The following FADS1 variants were observed in gnomAD, a reference collection of about 807,000 sequenced individuals.
The protein encoded by FADS1 is acyl-CoA (8-3)-desaturase.
FADS1 carries 17 observed loss-of-function variants against 61.6 expected under a neutral mutation model. That is an observed-to-expected ratio of 0.28 (90% CI 0.19 to 0.41). The LOEUF is 0.41. FADS1 is among the 10% of genes least tolerant of loss of function. The pLI is 1.00. For missense variants in FADS1, 387 were observed against 650.9 expected, an observed-to-expected ratio of 0.59 and a Z score of 4.41; for synonymous variants, 238 against 258.7, an observed-to-expected ratio of 0.92 and a Z score of 0.77.
At chr11:61,804,469 A>G in intron 7 of FADS1, 2 of 542,880 alleles carry the variant, frequency 3.7e-6, no homozygotes, top group East Asian at 3.0e-5. Flanking sequence ...ACCTCTGGAG[A>G]CACTGACCGC....
At chr11:61,804,634 C>T (rs373761883) in intron 7 of FADS1, 51 bp downstream of exon 7, 4 of 1,526,200 alleles carry the variant, frequency 2.6e-6, no homozygotes, top group African/African-American at 2.7e-5. Context: ...CTATCCCCCA[C>T]TCTGGGTGCT....
Position 61,802,592 on chromosome 11 carries a change from C to CT in FADS1, c.1455-131dup, listed in dbSNP as rs2066863881. ...TCCCCTCTACTTTAGAGAAAGCTAG[C>CT]TTGGGCCATGGTACTGAGGGGAACC... On this transcript the variant is annotated intron_variant, in intron 11 of 11. Coordinates refer to ENST00000350997, the MANE Select transcript of FADS1 (RefSeq NM_013402.7). The surrounding 1 kb of genome is among the most constrained non-coding windows in gnomAD (Gnocchi z 4.2). 12 of 1,229,280 alleles carry CT rather than the reference C, an allele frequency of 9.8e-6. No homozygotes were observed. The highest frequency in any genetic ancestry group is 1.4e-5 in the Non-Finnish European group (12 of 862,440). The allele number at this position is 1,229,280 out of a possible 1,614,324, so 76.1% of individuals were successfully genotyped here.
rs1289935280 is a variant in FADS1 at position 61,801,527 on chromosome 11, G to A, written c.*884C>T. 6.6e-6 allele frequency: 1 copy of A among 152,360 alleles called. No homozygotes were observed. The highest frequency in any genetic ancestry group is 1.5e-5 in the Non-Finnish European group (1 of 68,038). The allele number at this position is 152,360 out of a possible 1,614,324, so 9.4% of individuals were successfully genotyped here. A position where few individuals can be genotyped will look rare whatever the true frequency, so the allele number is the denominator to read the frequency against. ...GTTTTGGTAAGAGCTAGCACCTCTT[G>A]TTCTCTTTAGACCCTGGAGGGAATA... is the stretch of plus-strand genomic sequence containing the variant. On this transcript the variant is annotated 3_prime_UTR_variant, in exon 12 of 12. Transcript: ENST00000350997.
chr11:61,803,234 T>C lies in FADS1; in HGVS notation c.1249-123A>G. The C allele has an allele frequency of 1.6e-6, 2 of 1,248,084 alleles. No individual in the cohort carries two copies. The highest frequency in any genetic ancestry group is 1.7e-5 in the Admixed American group (1 of 57,476). 77.3% of individuals were successfully genotyped at this position (1,248,084 alleles called of 1,614,324 possible). On this transcript the variant is annotated intron_variant, in intron 9 of 11. Transcript: ENST00000350997. The surrounding 1 kb of genome is among the most constrained non-coding windows in gnomAD (Gnocchi z 4.3). ...TGTCTTGGTCACTCCCTTCACATGG[T>C]TGCAGAACAAGAGCCTCAGGCTAAT... is the stretch of plus-strand genomic sequence containing the variant.
Position 61,803,936 on chromosome 11 carries a change from C to A in FADS1, c.1054-169G>T. Reference sequence around the variant, plus strand: ...TATCTAGTGCCACTGCTCCTTTCTTCCATTCCCATTGGCACCCCCCAGCCC... The same window carrying A: ...TATCTAGTGCCACTGCTCCTTTCTTACATTCCCATTGGCACCCCCCAGCCC... On this transcript the variant is annotated intron_variant, in intron 7 of 11. Transcript: ENST00000350997. This position sits in a 1 kb window ranked among gnomAD's most constrained non-coding sequence, Gnocchi z 4.3. The A allele has an allele frequency of 1.6e-6, 1 of 617,712 alleles. No homozygotes were observed. Among genetic ancestry groups the A allele is most frequent in the Non-Finnish European group, 2.9e-6 (1 of 345,882 alleles). 38.3% of individuals were successfully genotyped at this position (617,712 alleles called of 1,614,324 possible).
At chr11:61,813,944 G>A (rs1591155033) in intron 1 of FADS1, among the ~76,000 whole-genome samples, 2 of 148,220 alleles carry the variant, frequency 1.3e-5, no homozygotes, top group African/African-American at 2.5e-5. Context: ...ACTCCAGCCT[G>A]GGCGACAGGG....
At position 61,802,678 on chromosome 11, in the gene FADS1, G is replaced by A; in HGVS notation, c.1454+123C>T. 1 of 1,434,940 alleles carries A rather than the reference G, an allele frequency of 7.0e-7. No individual in the cohort carries two copies. Among genetic ancestry groups the A allele is most frequent in the Non-Finnish European group, 9.7e-7 (1 of 1,036,086 alleles). The allele number at this position is 1,434,940 out of a possible 1,614,324, so 88.9% of individuals were successfully genotyped here. ...CAATAAAGAATCCTGCCTTTGCCAT[G>A]GTGAACTCCATCCCACACGACTGGG... On this transcript the variant is annotated intron_variant, in intron 11 of 11. Coordinates refer to ENST00000350997, the MANE Select transcript of FADS1 (RefSeq NM_013402.7). This position sits in a 1 kb window ranked among gnomAD's most constrained non-coding sequence, Gnocchi z 4.2.
chr11:61,811,388 C>T (rs983803563), intron 3 of FADS1, among the ~76,000 whole-genome samples: 1 of 151,990 alleles, frequency 6.6e-6, no homozygotes, highest in African/African-American at 2.4e-5. Context: ...CTGCAACCTC[C>T]GCCTCCTGGG....
intron 7 of FADS1, 122 bp downstream of exon 7, chr11:61,804,563 G>C (rs1352588186): frequency 1.3e-6 from 1 of 743,054 alleles, no homozygotes; most frequent in Non-Finnish European, 2.3e-6. Context: ...TCTGTGTCTG[G>C]TTCTATTATT....
At chr11:61,808,319 G>C (rs1248544222) in intron 5 of FADS1, among the ~76,000 whole-genome samples, 1 of 149,536 alleles carries the variant, frequency 6.7e-6, no homozygotes, top group East Asian at 2.0e-4. Context: ...CTGGGTGACA[G>C]AGCGAGACTC....
In FADS1 at chr11:61,803,233, G is replaced by T; in HGVS notation, c.1249-122C>A. The T allele has an allele frequency of 8.0e-7, 1 of 1,246,960 alleles. No individual in the cohort carries two copies. Among genetic ancestry groups the T allele is most frequent in the Non-Finnish European group, 1.2e-6 (1 of 850,416 alleles). The allele number at this position is 1,246,960 out of a possible 1,614,324, so 77.2% of individuals were successfully genotyped here. A position where few individuals can be genotyped will look rare whatever the true frequency, so the allele number is the denominator to read the frequency against. ...CTGTCTTGGTCACTCCCTTCACATG[G>T]TTGCAGAACAAGAGCCTCAGGCTAA... On this transcript the variant is annotated intron_variant, in intron 9 of 11. Transcript: ENST00000350997. This position sits in a 1 kb window ranked among gnomAD's most constrained non-coding sequence, Gnocchi z 4.3.
intron 5 of FADS1, 101 bp downstream of exon 5, chr11:61,810,650 G>A: frequency 6.8e-7 from 1 of 1,465,372 alleles, no homozygotes; most frequent in Non-Finnish European, 9.4e-7. Flanking sequence ...CCCAGCCCCA[G>A]TGTCTTGCCC....
chr11:61,803,519 C>A lies in FADS1; in HGVS notation c.1152-60G>T, dbSNP rs2066872146. On this transcript the variant is annotated intron_variant, in intron 8 of 11. Transcript: ENST00000350997. This position sits in a 1 kb window ranked among gnomAD's most constrained non-coding sequence, Gnocchi z 4.3. The stretch of plus-strand genomic sequence containing the variant: ...CACAGAGCCCAGAATTCTGATTCCC[C>A]CCTCAGATAACTGCTCCAGCCTGTC... 2.1e-6 allele frequency: 3 copies of A among 1,459,484 alleles called. No individual in the cohort carries two copies. The highest frequency in any genetic ancestry group is 1.9e-6 in the Non-Finnish European group (2 of 1,039,280). 90.4% of individuals were successfully genotyped at this position (1,459,484 alleles called of 1,614,324 possible).
At position 61,803,938 on chromosome 11, in the gene FADS1, A is replaced by T. The variant is rs1239742907; in HGVS notation, c.1054-171T>A. 1.6e-6 allele frequency: 1 copy of T among 615,624 alleles called. No individual in the cohort carries two copies. The highest frequency in any genetic ancestry group is 2.9e-6 in the Non-Finnish European group (1 of 344,808). 38.1% of individuals were successfully genotyped at this position (615,624 alleles called of 1,614,324 possible). On this transcript the variant is annotated intron_variant, in intron 7 of 11. Coordinates refer to ENST00000350997, the MANE Select transcript of FADS1 (RefSeq NM_013402.7). The surrounding 1 kb of genome is among the most constrained non-coding windows in gnomAD (Gnocchi z 4.3). Reference sequence around the variant, plus strand: ...TCTAGTGCCACTGCTCCTTTCTTCCATTCCCATTGGCACCCCCCAGCCCTT... The same window carrying T: ...TCTAGTGCCACTGCTCCTTTCTTCCTTTCCCATTGGCACCCCCCAGCCCTT...
Position 61,802,230 on chromosome 11 carries a change from A to C in FADS1, c.*181T>G, listed in dbSNP as rs1373983727. The C allele has an allele frequency of 3.2e-6, 2 of 617,668 alleles. No individual in the cohort carries two copies. Among genetic ancestry groups the C allele is most frequent in the East Asian group, 5.5e-5 (2 of 36,082 alleles). The allele number at this position is 617,668 out of a possible 1,614,324, so 38.3% of individuals were successfully genotyped here. ...CTAGGGACTTCTGTGTCCACCCCCCACTTTGGGTCTTAGAACTGTGGCTAG... is the reference window on the plus strand; with the variant it reads ...CTAGGGACTTCTGTGTCCACCCCCCCCTTTGGGTCTTAGAACTGTGGCTAG... On this transcript the variant is annotated 3_prime_UTR_variant, in exon 12 of 12. Transcript: ENST00000350997. This position sits in a 1 kb window ranked among gnomAD's most constrained non-coding sequence, Gnocchi z 4.2.
chr11:61,804,549 A>G, intron 7 of FADS1, 136 bp downstream of exon 7: 1 of 686,496 alleles, frequency 1.5e-6, no homozygotes, highest in Non-Finnish European at 2.6e-6. Flanking sequence ...AGAGATAAGG[A>G]GGATCTGTGT....
In FADS1 at chr11:61,810,740, C is replaced by A; in HGVS notation, c.915+11G>T. ...ATTCCCCAAGACCTTTCCACTGATACCTCCACGCACCTCCACAGAGAGGAT... is the reference window on the plus strand; with the variant it reads ...ATTCCCCAAGACCTTTCCACTGATAACTCCACGCACCTCCACAGAGAGGAT... On this transcript the variant is annotated intron_variant, in intron 5 of 11. Coordinates refer to ENST00000350997, the MANE Select transcript of FADS1 (RefSeq NM_013402.7). 1 of 1,614,032 alleles carries A rather than the reference C, an allele frequency of 6.2e-7. No individual in the cohort carries two copies. Among genetic ancestry groups the A allele is most frequent in the Non-Finnish European group, 8.5e-7 (1 of 1,179,974 alleles).
chr11:61,803,459 C>A lies in FADS1; in HGVS notation c.1152G>T (p.Arg384Ser). The A allele has an allele frequency of 6.2e-7, 1 of 1,612,810 alleles. No homozygotes were observed. Among genetic ancestry groups the A allele is most frequent in the Non-Finnish European group, 8.5e-7 (1 of 1,178,794 alleles). ...KAFLGLFFIV[R>S]FLESNWFVWV... ...ACACAAACCAGTTGCTTTCCAGGAA[C>A]CTGTTAGATGTATTACACAGACAAA... The change falls in exon 9 of 12, where the codon AGG becomes AGT. Residue 384 changes from arginine (R) to serine (S), a missense_variant and splice_region_variant. Coordinates refer to ENST00000350997, the MANE Select transcript of FADS1 (RefSeq NM_013402.7). The surrounding 1 kb of genome is among the most constrained non-coding windows in gnomAD (Gnocchi z 4.3).
At chr11:61,810,924 C>T (rs1203429553) in intron 4 of FADS1, 45 bp from the exon 5 acceptor site, 21 of 1,614,144 alleles carry the variant, frequency 1.3e-5, no homozygotes, top group Admixed American at 3.3e-5. Flanking sequence ...TCCCCCAAGG[C>T]AGCCCTTCAT....
Sources: allele counts gnomAD v4.1 joint callset (sites outside exome capture counted in the v4.1 genomes callset), GRCh38; gene constraint gnomAD v4.1.1; non-coding constraint Gnocchi (gnomAD v3.1); transcripts MANE v1.5; gene names NCBI Gene and HGNC (gene_info 2026-07-23, HGNC 2026-07-21).